PDE4D: variants seen among roughly 807,000 people sequenced by gnomAD.
The protein encoded by PDE4D is 3',5'-cyclic-AMP phosphodiesterase 4D.
PDE4D carries 24 observed loss-of-function variants against 87.4 expected under a neutral mutation model. The ratio of observed to expected loss-of-function variants is 0.27; its 90% CI spans 0.20 to 0.39. PDE4D has a LOEUF of 0.39. PDE4D is among the 10% of genes least tolerant of loss of function. The pLI, the probability that PDE4D is intolerant of heterozygous loss-of-function variation, is 1.00. For synonymous variants in PDE4D, 384 were observed against 383.2 expected (o/e 1.00, Z -0.02); for missense variants, 714 against 1,041.0 (o/e 0.69, Z 4.32).
At chr5:60,410,196 T>C (rs1741926701) in intron 1 of PDE4D, among the ~76,000 whole-genome samples, 1 of 152,084 alleles carries the variant, frequency 6.6e-6, no homozygotes, top group East Asian at 1.9e-4. Flanking sequence ...TGGCAAATAA[T>C]GTGATGGCAC....
At chr5:59,243,086 A>G (rs770890741) in intron 1 of PDE4D, among the ~76,000 whole-genome samples, 5 of 152,194 alleles carry the variant, frequency 3.3e-5, no homozygotes, top group Non-Finnish European at 5.9e-5. Context: ...ACAGCCTGAT[A>G]CTGCTACATG....
intron 1 of PDE4D, among the ~76,000 whole-genome samples, chr5:59,370,680 A>G (rs1783804311): frequency 2.0e-5 from 3 of 152,224 alleles, no homozygotes; most frequent in Non-Finnish European, 4.4e-5. Flanking sequence ...CCCACAAAAA[A>G]TTAAATTCTT....
At chr5:60,153,004 A>G (rs1408512060) in intron 2 of PDE4D, among the ~76,000 whole-genome samples, 2 of 152,202 alleles carry the variant, frequency 1.3e-5, no homozygotes, top group African/African-American at 4.8e-5. Flanking sequence ...AAAAGCACAA[A>G]CAACAAAAGT....
intron 1 of PDE4D, among the ~76,000 whole-genome samples, chr5:59,238,584 C>G (rs1274707801): frequency 6.6e-6 from 1 of 152,142 alleles, no homozygotes; most frequent in Non-Finnish European, 1.5e-5. Flanking sequence ...ACAAAAACTG[C>G]CTCTGCCTTT....
intron 2 of PDE4D, among the ~76,000 whole-genome samples, chr5:60,033,935 C>G (rs1231550028): frequency 1.3e-5 from 2 of 152,198 alleles, no homozygotes; most frequent in Admixed American, 6.5e-5. Flanking sequence ...ATATACACTG[C>G]TAGCTCAGAG....
At chr5:59,734,744 C>T (rs189580137) in intron 1 of PDE4D, among the ~76,000 whole-genome samples, 19 of 152,010 alleles carry the variant, frequency 1.2e-4, no homozygotes, top group Admixed American at 1.1e-3. Context: ...TTAAAAAACA[C>T]AGAAAGAAAA....
intron 1 of PDE4D, among the ~76,000 whole-genome samples, chr5:60,265,083 C>G (rs967411558): frequency 6.6e-6 from 1 of 152,150 alleles, no homozygotes; most frequent in Admixed American, 6.5e-5. Flanking sequence ...AATGCAGTGT[C>G]TTCTTTACCC....
chr5:59,099,095 AAAT>A (rs1770285706), intron 5 of PDE4D, among the ~76,000 whole-genome samples: 1 of 152,238 alleles, frequency 6.6e-6, no homozygotes, highest in African/African-American at 2.4e-5. Context: ...ATTGGTTACT[AAAT>A]GAACAAATCT....
intron 11 of PDE4D, among the ~76,000 whole-genome samples, chr5:58,986,175 T>A (rs888686580): frequency 9.2e-5 from 14 of 152,328 alleles, no homozygotes; most frequent in Admixed American, 4.6e-4. Context: ...GCAGGATTAG[T>A]TATCCTTCCA....
At chr5:60,354,082 A>C (rs1212203114) in intron 1 of PDE4D, among the ~76,000 whole-genome samples, 1 of 152,198 alleles carries the variant, frequency 6.6e-6, no homozygotes, top group East Asian at 1.9e-4. Flanking sequence ...ACATCTATGA[A>C]CTAAGTGACA....
chr5:59,573,622 G>A (rs1361754397), intron 1 of PDE4D, among the ~76,000 whole-genome samples: 1 of 152,006 alleles, frequency 6.6e-6, no homozygotes, highest in East Asian at 1.9e-4. Flanking sequence ...ATGCAGAGAA[G>A]TTTTCACCCT....
intron 2 of PDE4D, among the ~76,000 whole-genome samples, chr5:60,138,755 C>T (rs932703411): frequency 1.3e-5 from 2 of 151,930 alleles, no homozygotes; most frequent in East Asian, 1.9e-4. Context: ...TATTAAAAAG[C>T]CACAGTCATT....
chr5:59,517,151 G>GA (rs35453725), intron 1 of PDE4D, among the ~76,000 whole-genome samples: 35,777 of 151,958 alleles, frequency 0.24, 5,464 homozygotes, highest in African/African-American at 0.44. Flanking sequence ...ATAAAGGAAA[G>GA]AAAAAATGCT....
At chr5:59,304,609 A>C (rs1347739555) in intron 1 of PDE4D, among the ~76,000 whole-genome samples, 1 of 152,090 alleles carries the variant, frequency 6.6e-6, no homozygotes, top group East Asian at 1.9e-4. Context: ...TCATAAAGGG[A>C]TGCTGGATTT....
At chr5:60,008,831 GT>G (rs1244376158) in intron 2 of PDE4D, among the ~76,000 whole-genome samples, 3 of 152,042 alleles carry the variant, frequency 2.0e-5, no homozygotes, top group Admixed American at 1.3e-4. Flanking sequence ...TCTCTCTGGT[GT>G]TTTAGACTTT....
chr5:59,795,278 T>C (rs1160111158), intron 1 of PDE4D, among the ~76,000 whole-genome samples: 2 of 152,202 alleles, frequency 1.3e-5, no homozygotes, highest in African/African-American at 4.8e-5. Flanking sequence ...AGGCTCTATA[T>C]GTGAGGATAG....
chr5:59,174,087 C>G (rs75717010), intron 5 of PDE4D, among the ~76,000 whole-genome samples: 17,114 of 152,018 alleles, frequency 0.11, 1,359 homozygotes, highest in African/African-American at 0.23. Context: ...GCCCAGATAA[C>G]AAAAAAATAA....
chr5:60,438,073 T>A (rs571751638), intron 1 of PDE4D, among the ~76,000 whole-genome samples: 2 of 152,256 alleles, frequency 1.3e-5, no homozygotes, highest in South Asian at 4.1e-4. Flanking sequence ...CCCTATAAAT[T>A]TAACAGATTT....
chr5:59,658,823 C>CGTGT (rs141771220), intron 1 of PDE4D, among the ~76,000 whole-genome samples: 4 of 150,484 alleles, frequency 2.7e-5, no homozygotes, highest in African/African-American at 4.9e-5. Flanking sequence ...TGTGAGTGTT[C>CGTGT]GTGTGTGTGT....
Sources: allele counts gnomAD v4.1 joint callset (sites outside exome capture counted in the v4.1 genomes callset), GRCh38; gene constraint gnomAD v4.1.1; transcripts MANE v1.5; gene names NCBI Gene and HGNC (gene_info 2026-07-23, HGNC 2026-07-21).